The following TMEM150B variants were observed in gnomAD, a reference collection of about 807,000 sequenced individuals.
TMEM150B encodes the protein modulator of macroautophagy TMEM150B.
In TMEM150B, 33 loss-of-function variants were observed where a neutral mutation model predicts 25.2. The observed-to-expected ratio is 1.31, with a 90% CI of 0.99 to 1.75. TMEM150B has a LOEUF of 1.75. TMEM150B is among the 40% of genes most tolerant of loss of function. The probability of loss-of-function intolerance (pLI) is 0.00; values close to 1 mark genes in which losing one functional copy is unlikely to be tolerated. For synonymous variants in TMEM150B, 133 were observed against 134.8 expected, an observed-to-expected ratio of 0.99 and a Z score of 0.09; for missense variants, 322 against 306.1, an observed-to-expected ratio of 1.05 and a Z score of -0.39.
Position 55,323,749 on chromosome 19 carries a change from C to A in TMEM150B, c.-153-1006G>T, listed in dbSNP as rs546198353. Among the ~76,000 whole-genome samples the A allele has an allele frequency of 5.1e-3, 770 of 149,632 alleles. 3 individuals carry two copies. Among genetic ancestry groups the A allele is most frequent in the African/African-American group, 0.018 (728 of 40,668 alleles). On this transcript the variant is annotated intron_variant, in intron 1 of 7. Coordinates refer to ENST00000326652, the MANE Select transcript of TMEM150B (RefSeq NM_001282011.2). Reference sequence around the variant, plus strand: ...AACTCCCAACCTCAGGTGATCCACCCGCCTCAGGCTCCCAAAGTGCTGGGA... The same window carrying A: ...AACTCCCAACCTCAGGTGATCCACCAGCCTCAGGCTCCCAAAGTGCTGGGA...
chr19:55,316,360 A>AC (rs10638101), intron 7 of TMEM150B, among the ~76,000 whole-genome samples: 8 of 151,260 alleles, frequency 5.3e-5, no homozygotes, highest in African/African-American at 1.7e-4. Flanking sequence ...ACTCGTAACC[A>AC]CATGATTCCT....
chr19:55,312,944 A>C lies in TMEM150B; in HGVS notation c.617T>G (p.Leu206Arg). 6.2e-7 allele frequency: 1 copy of C among 1,612,950 alleles called. No individual in the cohort carries two copies. Among genetic ancestry groups the C allele is most frequent in the South Asian group, 1.1e-5 (1 of 90,964 alleles). The change falls in exon 8 of 8, where the codon CTG (leucine) becomes CGG (arginine). Residue 206 changes from leucine (L) to arginine (R), a missense_variant. Physicochemically the swap from Leu to Arg is moderately radical, Grantham distance 102. Coordinates refer to ENST00000326652, the MANE Select transcript of TMEM150B (RefSeq NM_001282011.2). ...FGLLAVDFSA[L>R]ESCTLCVQPW... The stretch of plus-strand genomic sequence containing the variant: ...CTGAACACACAGGGTGCAGCTCTCC[A>C]GGGCGGAGAAGTCAACGGCTAAGAG...
At chr19:55,319,394 T>C (rs2089117449) in intron 6 of TMEM150B, 1 of 147,782 alleles carries the variant, frequency 6.8e-6, no homozygotes, top group South Asian at 2.2e-4. Flanking sequence ...ATTACAGCCG[T>C]GAGCCACAGA....
chr19:55,321,831 C>T (rs1451621554), intron 2 of TMEM150B, among the ~76,000 whole-genome samples: 3 of 152,136 alleles, frequency 2.0e-5, no homozygotes, highest in East Asian at 1.9e-4. Context: ...GGCCTCAGGT[C>T]GGCCTGCTCT....
At chr19:55,313,127 G>A (rs561946627) in intron 7 of TMEM150B, 72 bp from the exon 8 acceptor site, 9 of 1,470,392 alleles carry the variant, frequency 6.1e-6, no homozygotes, top group East Asian at 5.0e-5. Flanking sequence ...GTGCCGCCTC[G>A]CGCTGGGCGG....
chr19:55,312,427 C>G (rs1413908050), downstream of TMEM150B: 1 of 188,188 alleles, frequency 5.3e-6, no homozygotes, highest in Non-Finnish European at 1.1e-5. Flanking sequence ...CGGGCCCCTC[C>G]TCCCCTGGTC....
In TMEM150B at chr19:55,320,584, G is replaced by A; in HGVS notation, c.102C>T (p.Asp34=). 1 of 1,613,746 alleles carries A rather than the reference G, an allele frequency of 6.2e-7. No homozygotes were observed. The highest frequency in any genetic ancestry group is 2.2e-5 in the East Asian group (1 of 44,832). The change falls in exon 4 of 8, where the codon GAC becomes GAT. Residue 34 remains aspartate (D), a synonymous_variant. Transcript: ENST00000326652. Reference sequence around the variant, plus strand: ...TGATGTAGGGAAAGCCTTTACTGAGGTCCACAGTCCTGTTGGTCACTGCAA... The same window carrying A: ...TGATGTAGGGAAAGCCTTTACTGAGATCCACAGTCCTGTTGGTCACTGCAA... The part of the protein sequence containing the change: ...FAIAVTNRTV[D]LSKGFPYISI...
At chr19:55,315,744 G>A (rs966587537) in intron 7 of TMEM150B, among the ~76,000 whole-genome samples, 1 of 149,878 alleles carries the variant, frequency 6.7e-6, no homozygotes, top group African/African-American at 2.5e-5. Context: ...CTAGGTGACA[G>A]AGCGAGACTC....
Position 55,313,056 on chromosome 19 carries a change from C to T in TMEM150B, c.506-1G>A, listed in dbSNP as rs1274633157. The T allele has an allele frequency of 1.2e-6, 2 of 1,607,968 alleles. No homozygotes were observed. Among genetic ancestry groups the T allele is most frequent in the East Asian group, 2.2e-5 (1 of 44,688 alleles). ...AGCGAGCAGGCGTGGAGGACGATCA[C>T]TGCCCCAGGGTCAAGGGCCACACTG... On this transcript the variant is annotated splice_acceptor_variant, in intron 7 of 7. Transcript: ENST00000326652. LOFTEE classifies it high-confidence loss of function.
rs753437620 is a variant in TMEM150B, at chr19:55,316,932, G to C, written c.359C>G (p.Ala120Gly). ...KNQRPTHLAGAFLAFILGNVY... is the reference protein window; with the variant it reads ...KNQRPTHLAGGFLAFILGNVY... ...GTTACCCAAGATGAAGGCAAGGAAG[G>C]CCCCTGCCAAGTGCGTAGGCCGCTG... The change falls in exon 7 of 8, where the codon GCC (alanine) becomes GGC (glycine). Residue 120 changes from alanine to glycine, a missense_variant. Coordinates refer to ENST00000326652, the MANE Select transcript of TMEM150B (RefSeq NM_001282011.2). The C allele has an allele frequency of 2.5e-6, 4 of 1,606,186 alleles. No homozygotes were observed. Among genetic ancestry groups the C allele is most frequent in the Non-Finnish European group, 3.4e-6 (4 of 1,177,570 alleles).
At chr19:55,311,390 G>A (rs1165260485), downstream of TMEM150B, among the ~76,000 whole-genome samples, 1 of 152,150 alleles carries the variant, frequency 6.6e-6, no homozygotes, top group African/African-American at 2.4e-5. Context: ...AAGAGGAGGT[G>A]GCCTCAGGAC....
chr19:55,321,210 T>C, intron 2 of TMEM150B, 117 bp from the exon 3 acceptor site: 1 of 1,358,132 alleles, frequency 7.4e-7, no homozygotes, highest in Admixed American at 3.2e-5. Context: ...ATTGGCCAGC[T>C]CTCCATTTCC....
intron 7 of TMEM150B, 28 bp downstream of exon 7, chr19:55,316,758 A>G: frequency 6.8e-7 from 1 of 1,461,278 alleles, no homozygotes. Context: ...GCCACCTCCA[A>G]GCCCTACCCC....
rs1402254501 is a variant in TMEM150B, at chr19:55,318,799, A to C, written c.324+1240T>G. On this transcript the variant is annotated intron_variant, in intron 6 of 7. Transcript: ENST00000326652. ...TGTGCCTAACATGAAGAATGAGTAA[A>C]TCTCAGTCATTTCTTTTTGGAGACA... is the stretch of plus-strand genomic sequence containing the variant. Among the ~76,000 whole-genome samples, 6 of 152,228 alleles carry C rather than the reference A, an allele frequency of 3.9e-5. No individual in the cohort carries two copies. In the East Asian group the frequency reaches 1.2e-3, roughly 29 times the overall value.
In TMEM150B at chr19:55,316,837, C is replaced by T. The variant is rs754475352; in HGVS notation, c.454G>A (p.Gly152Arg). 1.3e-6 allele frequency: 2 copies of T among 1,585,570 alleles called. No individual in the cohort carries two copies. Among genetic ancestry groups the T allele is most frequent in the Non-Finnish European group, 8.5e-7 (1 of 1,170,424 alleles). ...CTGCAGAGGCCCAGGCGGAGGGGCC[C>T]AATCCAGGCAGCCCCGGGCTGGGGC... ...RLPQPGAAWIGPLRLGLCSVC... is the reference protein window; with the variant it reads ...RLPQPGAAWIRPLRLGLCSVC... Residue 152 changes from glycine (G) to arginine (R), a missense_variant, in exon 7 of 8, where the codon GGG (glycine) becomes AGG (arginine). Gly to Arg is a moderately radical substitution (Grantham distance 125). Transcript: ENST00000326652.
At chr19:55,320,521 G>A in intron 4 of TMEM150B, 37 bp downstream of exon 4, 1 of 1,612,930 alleles carries the variant, frequency 6.2e-7, no homozygotes, top group Non-Finnish European at 8.5e-7. Context: ...TCCTGCAGCG[G>A]CGATCCCCCC....
chr19:55,324,131 T>A (rs1048160711), intron 1 of TMEM150B, among the ~76,000 whole-genome samples: 2 of 152,102 alleles, frequency 1.3e-5, no homozygotes, highest in Non-Finnish European at 2.9e-5. Flanking sequence ...TTATGCTCAG[T>A]GTAATGTTTT....
At chr19:55,320,640 TG>T in intron 3 of TMEM150B, 23 bp from the exon 4 acceptor site, 1 of 1,613,550 alleles carries the variant, frequency 6.2e-7, no homozygotes, top group Non-Finnish European at 8.5e-7. Context: ...TCAGAGTGAG[TG>T]GGCGACTCTC....
At chr19:55,319,827 C>T in intron 6 of TMEM150B, 1 of 1,403,100 alleles carries the variant, frequency 7.1e-7, no homozygotes, top group Non-Finnish European at 9.3e-7. Context: ...TCAACGAAGT[C>T]CTACATACAA....
Sources: gnomAD v4.1 joint callset for allele counts (sites outside exome capture counted in the v4.1 genomes callset) on GRCh38, gnomAD v4.1.1 for gene constraint, MANE v1.5 for transcripts, NCBI Gene and HGNC (gene_info 2026-07-23, HGNC 2026-07-21) for gene names.